The following CCDC69 variants were observed in gnomAD, a reference collection of about 807,000 sequenced individuals.
CCDC69 encodes the protein coiled-coil domain containing 69, also known as coiled-coil domain-containing protein 69.
Under a neutral mutation model 40.3 loss-of-function variants are expected in CCDC69, and 38 were observed. That is an observed-to-expected ratio of 0.94 (90% confidence interval 0.73 to 1.24). CCDC69 has a LOEUF of 1.24. Among genes scored for constraint, CCDC69 ranks in the 50% most tolerant of loss-of-function variants. The pLI, the probability that CCDC69 is intolerant of heterozygous loss-of-function variation, is 0.00. For missense variants in CCDC69, 389 were observed against 357.9 expected (o/e 1.09, Z -0.70); for synonymous variants, 141 against 138.9 (o/e 1.02, Z -0.11).
At chr5:151,187,275 C>T (rs1450818686) in intron 5 of CCDC69, 111 bp downstream of exon 5, 6 of 874,760 alleles carry the variant, frequency 6.9e-6, no homozygotes, top group Middle Eastern at 6.7e-4. Context: ...ACCTCAGCCC[C>T]TCACTCCTAG....
chr5:151,185,592 C>T (rs1187659022), intron 6 of CCDC69, 51 bp from the exon 7 acceptor site: 5 of 1,589,992 alleles, frequency 3.1e-6, no homozygotes, highest in Non-Finnish European at 3.4e-6. Flanking sequence ...CCTCCCTCCT[C>T]CCCATTCTGC....
chr5:151,192,455 A>G (rs1752627837), intron 4 of CCDC69, among the ~76,000 whole-genome samples: 1 of 152,094 alleles, frequency 6.6e-6, no homozygotes, highest in African/African-American at 2.4e-5. Context: ...TCAAAAAAAA[A>G]AAATGACCAA....
chr5:151,183,742 T>C, intron 8 of CCDC69, 128 bp from the exon 9 acceptor site: 2 of 763,852 alleles, frequency 2.6e-6, no homozygotes, highest in South Asian at 3.7e-5. Context: ...GCCCTCCTTG[T>C]TGGCCTGTAT....
In CCDC69 at chr5:151,183,416, G is replaced by T; in HGVS notation, c.*21C>A. 1 of 1,591,398 alleles carries T rather than the reference G, an allele frequency of 6.3e-7. No homozygotes were observed. The highest frequency in any genetic ancestry group is 8.5e-7 in the Non-Finnish European group (1 of 1,170,382). On this transcript the variant is annotated 3_prime_UTR_variant, in exon 9 of 9. Coordinates refer to ENST00000355417, the MANE Select transcript of CCDC69 (RefSeq NM_015621.3). The stretch of plus-strand genomic sequence containing the variant: ...AAGGAGCTGTGACTTCAGGCGTCGT[G>T]GTGGGCCCAGGCCCTGCACCCTATG...
chr5:151,190,902 T>C (rs934641605), intron 4 of CCDC69, among the ~76,000 whole-genome samples: 6 of 151,752 alleles, frequency 4.0e-5, no homozygotes, highest in African/African-American at 9.7e-5. Context: ...AACCCAACAT[T>C]ATGAACATCA....
At chr5:151,209,994 G>A (rs1160004880) in intron 1 of CCDC69, among the ~76,000 whole-genome samples, 1 of 152,062 alleles carries the variant, frequency 6.6e-6, no homozygotes, top group Non-Finnish European at 1.5e-5. Flanking sequence ...AAAATCTCAC[G>A]ACCCAGAGAG....
chr5:151,215,346 G>A (rs1753021105), intron 1 of CCDC69, among the ~76,000 whole-genome samples: 1 of 152,208 alleles, frequency 6.6e-6, no homozygotes, highest in Admixed American at 6.5e-5. Context: ...TTCCTTTTCT[G>A]TGCTTCTGTA....
intron 4 of CCDC69, among the ~76,000 whole-genome samples, chr5:151,191,128 G>A (rs1582040450): frequency 1.3e-5 from 2 of 151,180 alleles, no homozygotes; most frequent in Admixed American, 6.6e-5. Context: ...AACTAACTAC[G>A]TGCTATTTAC....
chr5:151,200,324 G>T (rs1752759354), intron 3 of CCDC69, among the ~76,000 whole-genome samples: 1 of 151,784 alleles, frequency 6.6e-6, no homozygotes, highest in African/African-American at 2.4e-5. Context: ...TTTTTGTAGA[G>T]ACGGTGGTCT....
At chr5:151,208,444 A>G (rs1376777486) in intron 1 of CCDC69, among the ~76,000 whole-genome samples, 1 of 152,268 alleles carries the variant, frequency 6.6e-6, no homozygotes, top group African/African-American at 2.4e-5. Context: ...TGCTGGGCAC[A>G]GAGCCTGGCA....
At chr5:151,190,392 G>A (rs28456182) in intron 4 of CCDC69, among the ~76,000 whole-genome samples, 13,100 of 152,160 alleles carry the variant, frequency 0.086, 645 homozygotes, top group South Asian at 0.13. Context: ...CAGGCCGGGC[G>A]TGGTGGCTCA....
chr5:151,190,776 G>T (rs1238105881), intron 4 of CCDC69, among the ~76,000 whole-genome samples: 2 of 145,094 alleles, frequency 1.4e-5, no homozygotes, highest in Non-Finnish European at 3.0e-5. Context: ...CAATAAATAA[G>T]TTAAAATGGA....
intron 1 of CCDC69, among the ~76,000 whole-genome samples, chr5:151,210,101 C>T (rs77923471): frequency 5.9e-5 from 9 of 152,088 alleles, no homozygotes; most frequent in Non-Finnish European, 1.2e-4. Context: ...AAATATATTA[C>T]GAGCACTTAC....
intron 4 of CCDC69, among the ~76,000 whole-genome samples, chr5:151,191,577 C>T (rs917987526): frequency 1.3e-5 from 2 of 152,184 alleles, no homozygotes; most frequent in African/African-American, 4.8e-5. Context: ...ACCAGAAAAT[C>T]TCCCAACACT....
At chr5:151,214,005 C>T (rs1752995410) in intron 1 of CCDC69, among the ~76,000 whole-genome samples, 1 of 152,152 alleles carries the variant, frequency 6.6e-6, no homozygotes, top group South Asian at 2.1e-4. Context: ...CCTCCTTTTT[C>T]CAGATAGAAA....
At chr5:151,214,634 T>C (rs12521757) in intron 1 of CCDC69, among the ~76,000 whole-genome samples, 46,013 of 151,910 alleles carry the variant, frequency 0.3, 7,134 homozygotes, top group Middle Eastern at 0.48. Flanking sequence ...TCCAATGTGA[T>C]TGTACAACCA....
At position 151,188,114 on chromosome 5, in the gene CCDC69, G is replaced by A. The variant is rs188639585; in HGVS notation, c.320-655C>T. Reference sequence around the variant, plus strand: ...GGTGCTGTACACAGCTGAAATTATCGTCATTCCCCAAATCAATACAGTTGT... The same window carrying A: ...GGTGCTGTACACAGCTGAAATTATCATCATTCCCCAAATCAATACAGTTGT... On this transcript the variant is annotated intron_variant, in intron 4 of 8. Coordinates refer to ENST00000355417, the MANE Select transcript of CCDC69 (RefSeq NM_015621.3). Among the ~76,000 whole-genome samples, 232 of 152,242 alleles carry A rather than the reference G, an allele frequency of 1.5e-3. 8 individuals carry two copies. Among genetic ancestry groups the A allele is most frequent in the Admixed American group, 0.013 (205 of 15,290 alleles).
chr5:151,209,768 T>C (rs1003524084), intron 1 of CCDC69, among the ~76,000 whole-genome samples: 7 of 152,128 alleles, frequency 4.6e-5, no homozygotes, highest in Admixed American at 6.5e-5. Context: ...TTGGTAGAGA[T>C]GGAATTTTGC....
intron 1 of CCDC69, among the ~76,000 whole-genome samples, chr5:151,206,718 C>T (rs769052630): frequency 2.1e-4 from 32 of 151,750 alleles, no homozygotes; most frequent in Non-Finnish European, 1.2e-4. Flanking sequence ...GTAACCTCCA[C>T]CTCCTGGGTT....
Sources: allele counts gnomAD v4.1 joint callset (sites outside exome capture counted in the v4.1 genomes callset), GRCh38; gene constraint gnomAD v4.1.1; transcripts MANE v1.5; gene names NCBI Gene and HGNC (gene_info 2026-07-23, HGNC 2026-07-21).